The following DENND4C variants were observed in gnomAD, a reference collection of about 807,000 sequenced individuals.
The protein encoded by DENND4C is DENN domain containing 4C.
In DENND4C, 108 loss-of-function variants were observed where a neutral mutation model predicts 203.0. That is an observed-to-expected ratio of 0.53 (90% CI 0.46 to 0.62). The LOEUF (loss-of-function observed/expected upper bound fraction) is 0.62, where lower values mean the gene tolerates loss of function less well. Ranked by LOEUF, DENND4C falls within the 20% of genes least tolerant of loss-of-function variation. The pLI, the probability that DENND4C is intolerant of heterozygous loss-of-function variation, is 0.00. For synonymous variants in DENND4C, 871 were observed against 792.4 expected (o/e 1.10, Z -1.67); for missense variants, 2,481 against 2,301.2 (o/e 1.08, Z -1.60).
intron 20 of DENND4C, among the ~76,000 whole-genome samples, chr9:19,340,219 G>A (rs936445143): frequency 1.3e-5 from 2 of 152,074 alleles, no homozygotes; most frequent in Admixed American, 6.6e-5. Context: ...TAGAAAATAC[G>A]TGTACTGTAC....
intron 1 of DENND4C, among the ~76,000 whole-genome samples, chr9:19,252,712 T>TACAC (rs10611179): frequency 4.0e-5 from 6 of 149,914 alleles, no homozygotes; most frequent in African/African-American, 1.5e-4. Context: ...AGCGTGTGTA[T>TACAC]ACACACACAC....
chr9:19,300,987 C>G (rs1169987839), intron 9 of DENND4C, among the ~76,000 whole-genome samples: 1 of 152,092 alleles, frequency 6.6e-6, no homozygotes, highest in African/African-American at 2.4e-5. Context: ...CGAGACCAGC[C>G]TGACCAATAT....
chr9:19,371,725 CATT>C (rs1299125291), intron 31 of DENND4C, 28 bp from the exon 32 acceptor site: 7 of 1,137,878 alleles, frequency 6.2e-6, no homozygotes, highest in Non-Finnish European at 9.0e-6. Context: ...GCTATTTGCC[CATT>C]GACTTTTAAA....
intron 17 of DENND4C, among the ~76,000 whole-genome samples, chr9:19,333,034 A>C (rs1365440067): frequency 1.3e-5 from 2 of 150,696 alleles, no homozygotes; most frequent in Non-Finnish European, 3.0e-5. Flanking sequence ...ATTTATATTT[A>C]AATATATATA....
intron 10 of DENND4C, among the ~76,000 whole-genome samples, chr9:19,315,961 A>G (rs546122322): frequency 3.3e-5 from 5 of 152,230 alleles, no homozygotes; most frequent in Middle Eastern, 3.4e-3. Flanking sequence ...CATAGATTAT[A>G]TTGAATAATG....
rs10448197 is a variant in DENND4C, at chr9:19,276,650, C to G, written c.305+171C>G. 105,638 of 410,206 alleles carry G rather than the reference C, an allele frequency of 0.26. 16,237 individuals carry two copies. Among genetic ancestry groups the G allele is most frequent in the Non-Finnish European group, 0.33 (78,676 of 241,070 alleles). 25.4% of individuals were successfully genotyped at this position (410,206 alleles called of 1,614,324 possible). On this transcript the variant is annotated intron_variant, in intron 2 of 32. Coordinates refer to ENST00000434457, the MANE Select transcript of DENND4C (RefSeq NM_001330640.2). The stretch of plus-strand genomic sequence containing the variant: ...ATAGTAATATATTACATGCCAGTAT[C>G]CACCCTTACTGAATTTCTTTGCATT...
In DENND4C at chr9:19,314,484, G is replaced by C. The variant is rs534447412; in HGVS notation, c.1488-1933G>C. Among the ~76,000 whole-genome samples the C allele has an allele frequency of 4.6e-5, 7 of 152,078 alleles. No homozygotes were observed. In the South Asian group the frequency reaches 1.5e-3, roughly 32 times the overall value. ...ACAGTGTATACTACTTGGGTGATGG[G>C]TGCACCTAAATCTCAGAAATCACCA... On this transcript the variant is annotated intron_variant, in intron 10 of 32. Transcript: ENST00000434457.
chr9:19,304,757 G>A (rs1161792620), intron 9 of DENND4C, among the ~76,000 whole-genome samples: 1 of 146,404 alleles, frequency 6.8e-6, no homozygotes, highest in Non-Finnish European at 1.5e-5. Flanking sequence ...CACCTTGTTA[G>A]CCAGGATGGT....
intron 1 of DENND4C, among the ~76,000 whole-genome samples, chr9:19,270,097 C>T (rs979543384): frequency 6.6e-6 from 1 of 152,116 alleles, no homozygotes; most frequent in Non-Finnish European, 1.5e-5. Context: ...GTTCTCTTTC[C>T]TTATTTTCCC....
chr9:19,340,607 A>C (rs1203632549), intron 20 of DENND4C, among the ~76,000 whole-genome samples: 5 of 151,876 alleles, frequency 3.3e-5, no homozygotes, highest in Non-Finnish European at 7.4e-5. Context: ...AACCATCTTT[A>C]CTGTTTTCTG....
At position 19,319,337 on chromosome 9, in the gene DENND4C, CACATAT is replaced by C. The variant is rs1385693993; in HGVS notation, c.1807+2500_1807+2505del. Among the ~76,000 whole-genome samples the C allele has an allele frequency of 1.1e-3, 82 of 71,514 alleles. 7 individuals are homozygous for C. The highest frequency in any genetic ancestry group is 0.01 in the East Asian group (36 of 3,490). The allele number at this position is 71,514 out of a possible 152,430, so 46.9% of individuals were successfully genotyped here. On this transcript the variant is annotated intron_variant, in intron 12 of 32. Coordinates refer to ENST00000434457, the MANE Select transcript of DENND4C (RefSeq NM_001330640.2). ...ACACACATATATATACATATATATA[CACATAT>C]ATATATACTTATATATACACACATA... is the stretch of plus-strand genomic sequence containing the variant.
At chr9:19,332,419 C>T (rs937504404) in intron 17 of DENND4C, among the ~76,000 whole-genome samples, 2 of 150,316 alleles carry the variant, frequency 1.3e-5, no homozygotes, top group African/African-American at 2.5e-5. Context: ...TTCAGCAGTG[C>T]GTCCTTGGCT....
At chr9:19,304,115 T>G (rs1210945269) in intron 9 of DENND4C, among the ~76,000 whole-genome samples, 4 of 130,468 alleles carry the variant, frequency 3.1e-5, no homozygotes, top group African/African-American at 1.1e-4. Context: ...TGGGTAAAGA[T>G]TCTTGAGGAA....
At chr9:19,326,694 T>C (rs1342743393) in intron 15 of DENND4C, among the ~76,000 whole-genome samples, 3 of 152,124 alleles carry the variant, frequency 2.0e-5, no homozygotes, top group African/African-American at 4.8e-5. Context: ...GGAAAACTAA[T>C]ACATCATTCT....
At chr9:19,350,536 G>A (rs955941765) in intron 23 of DENND4C, among the ~76,000 whole-genome samples, 166 bp from the exon 24 acceptor site, 1 of 152,178 alleles carries the variant, frequency 6.6e-6, no homozygotes, top group African/African-American at 2.4e-5. Flanking sequence ...ATGTCTTAGA[G>A]TGTGGAAGTG....
intron 30 of DENND4C, among the ~76,000 whole-genome samples, chr9:19,364,633 C>G (rs1455959055): frequency 6.6e-6 from 1 of 151,908 alleles, no homozygotes; most frequent in Non-Finnish European, 1.5e-5. Flanking sequence ...TGGCTCACGC[C>G]TGTAATCCCA....
intron 10 of DENND4C, among the ~76,000 whole-genome samples, chr9:19,306,257 A>C (rs920967621): frequency 6.6e-6 from 1 of 152,164 alleles, no homozygotes; most frequent in Admixed American, 6.5e-5. Context: ...ATGAAGAGAG[A>C]AATATTTTGG....
At chr9:19,265,360 G>A (rs1403922626) in intron 1 of DENND4C, among the ~76,000 whole-genome samples, 1 of 152,028 alleles carries the variant, frequency 6.6e-6, no homozygotes, top group African/African-American at 2.4e-5. Flanking sequence ...TGACCCAGTG[G>A]TCATTTAGGA....
chr9:19,368,887 C>T (rs1292122644), intron 30 of DENND4C, among the ~76,000 whole-genome samples: 2 of 152,118 alleles, frequency 1.3e-5, no homozygotes, highest in South Asian at 2.1e-4. Flanking sequence ...ATGGTTGGCT[C>T]ATGCTTGTAA....
Sources: allele counts gnomAD v4.1 joint callset (sites outside exome capture counted in the v4.1 genomes callset), GRCh38; gene constraint gnomAD v4.1.1; transcripts MANE v1.5; gene names NCBI Gene and HGNC (gene_info 2026-07-23, HGNC 2026-07-21).